DBR1: variants seen among roughly 807,000 people sequenced by gnomAD.
DBR1 encodes the protein debranching RNA lariats 1.
DBR1 carries 33 observed loss-of-function variants against 45.9 expected under a neutral mutation model. That is an observed-to-expected ratio of 0.72 (90% CI 0.55 to 0.96). The LOEUF (loss-of-function observed/expected upper bound fraction) is 0.96, where lower values mean the gene tolerates loss of function less well. Ranked by LOEUF, DBR1 falls within the 40% of genes least tolerant of loss-of-function variation. The probability of loss-of-function intolerance (pLI) is 0.00; values close to 1 mark genes in which losing one functional copy is unlikely to be tolerated. For missense variants in DBR1, 619 were observed against 667.4 expected, an observed-to-expected ratio of 0.93 and a Z score of 0.80; for synonymous variants, 235 against 235.9, an observed-to-expected ratio of 1.00 and a Z score of 0.04.
At position 138,174,623 on chromosome 3, in the gene DBR1, T is replaced by C. The variant is rs2042970444; in HGVS notation, c.173A>G (p.Tyr58Cys). 3 of 1,607,904 alleles carry C rather than the reference T, an allele frequency of 1.9e-6. No individual in the cohort carries two copies. Among genetic ancestry groups the C allele is most frequent in the Non-Finnish European group, 1.7e-6 (2 of 1,176,408 alleles). ...DLRCMAVPPK[Y>C]RHMQTFYRYY... ...CCTGTAGAAGGTTTGCATGTGACGA[T>C]ACTTGGGCGGCACGGCCATGCAGCG... is the stretch of plus-strand genomic sequence containing the variant. The change falls in exon 1 of 8, where the codon TAT becomes TGT. Residue 58 changes from tyrosine (Y) to cysteine (C), a missense_variant. Coordinates refer to ENST00000260803, the MANE Select transcript of DBR1 (RefSeq NM_016216.4).
chr3:138,165,915 A>G (rs1314967762), intron 5 of DBR1, among the ~76,000 whole-genome samples: 1 of 152,234 alleles, frequency 6.6e-6, no homozygotes, highest in Admixed American at 6.5e-5. Context: ...TGAAAAGAGT[A>G]ACCTCTCCTT....
chr3:138,173,689 G>GAAA, intron 1 of DBR1, 63 bp from the exon 2 acceptor site: 3 of 1,138,584 alleles, frequency 2.6e-6, no homozygotes, highest in South Asian at 1.8e-5. Flanking sequence ...AATAAGTTCC[G>GAAA]AAAAAAAAAA....
chr3:138,174,898 C>G lies in DBR1; in HGVS notation c.-103G>C. The G allele has an allele frequency of 7.0e-6, 8 of 1,136,126 alleles. No homozygotes were observed. The highest frequency in any genetic ancestry group is 8.7e-6 in the Non-Finnish European group (7 of 802,632). 70.4% of individuals were successfully genotyped at this position (1,136,126 alleles called of 1,614,324 possible). A position where few individuals can be genotyped will look rare whatever the true frequency, so the allele number is the denominator to read the frequency against. ...TCCCGCCAACTTTAATAAGTATAGC[C>G]ACCGCCTGGGTGTAGACTCCTGCAA... On this transcript the variant is annotated 5_prime_UTR_variant, in exon 1 of 8. Coordinates refer to ENST00000260803, the MANE Select transcript of DBR1 (RefSeq NM_016216.4).
At position 138,161,978 on chromosome 3, in the gene DBR1, C is replaced by A. The variant is rs2042909464; in HGVS notation, c.1546G>T (p.Glu516Ter). The change falls in exon 8 of 8, where the codon GAA becomes TAA. Residue 516 changes from glutamate (E) to a stop codon, truncating the protein, a stop_gained. Transcript: ENST00000260803. LOFTEE classifies it high-confidence loss of function. Reference sequence around the variant, plus strand: ...TTCTTTCTTTGTTCAGGTTCATGTTCATCACTCAGCCTCTTCAATGGCACC... The same window carrying A: ...TTCTTTCTTTGTTCAGGTTCATGTTAATCACTCAGCCTCTTCAATGGCACC... ...TKVPLKRLSD[E>*]HEPEQRKKIK... 1 of 1,614,078 alleles carries A rather than the reference C, an allele frequency of 6.2e-7. No homozygotes were observed. The highest frequency in any genetic ancestry group is 1.3e-5 in the African/African-American group (1 of 74,934).
chr3:138,172,828 G>A (rs1368710425), intron 2 of DBR1, among the ~76,000 whole-genome samples: 1 of 152,096 alleles, frequency 6.6e-6, no homozygotes, highest in Non-Finnish European at 1.5e-5. Flanking sequence ...AGACTTCAGA[G>A]TCATGACAAC....
chr3:138,168,587 T>C (rs373228872), intron 4 of DBR1, among the ~76,000 whole-genome samples: 2 of 151,056 alleles, frequency 1.3e-5, no homozygotes, highest in South Asian at 4.2e-4. Flanking sequence ...TAGATAGATA[T>C]GACTAACCAC....
chr3:138,168,298 G>A (rs777524746), intron 4 of DBR1, among the ~76,000 whole-genome samples: 6 of 151,854 alleles, frequency 4.0e-5, no homozygotes, highest in Non-Finnish European at 5.9e-5. Flanking sequence ...TGGGTGGATC[G>A]CCTGAAGGTC....
intron 4 of DBR1, among the ~76,000 whole-genome samples, chr3:138,169,026 G>A (rs1459777362): frequency 2.0e-5 from 3 of 152,052 alleles, no homozygotes. Context: ...TTAAAGGACT[G>A]GTAGGATTTA....
At chr3:138,167,025 T>C in intron 5 of DBR1, 56 bp downstream of exon 5, 1 of 1,475,666 alleles carries the variant, frequency 6.8e-7, no homozygotes, top group Non-Finnish European at 9.5e-7. Flanking sequence ...CTGTGTCTGG[T>C]CCATAGATGT....
rs1292701478 is a variant in DBR1, at chr3:138,163,458, A to G, written c.832T>C (p.Tyr278His). 5 of 1,610,022 alleles carry G rather than the reference A, an allele frequency of 3.1e-6. No individual in the cohort carries two copies. Among genetic ancestry groups the G allele is most frequent in the African/African-American group, 1.3e-5 (1 of 74,820 alleles). ...EIEHDPSAPD[Y>H]LEYDIEWLTI... is the part of the protein sequence containing the mutation. ...AGCCATTCAATATCATATTCCAAGT[A>G]ATCAGGAGCACTGGGGTCATGTTCT... Residue 278 changes from tyrosine (Y) to histidine (H), a missense_variant, in exon 7 of 8, where the codon TAC (tyrosine) becomes CAC (histidine). Around this residue, in one of 3 missense-constraint regions of DBR1, gnomAD observed 430 missense variants for 447.7 expected, o/e 0.96. Transcript: ENST00000260803.
intron 5 of DBR1, 48 bp downstream of exon 5, chr3:138,167,023 GGTCCATAGAT>G: frequency 2.1e-6 from 3 of 1,456,854 alleles, no homozygotes; most frequent in Non-Finnish European, 2.9e-6. Context: ...AACTGTGTCT[GGTCCATAGAT>G]GTTCAATAGT....
chr3:138,163,277 A>C (rs1247429264), intron 7 of DBR1, 72 bp downstream of exon 7: 14 of 1,520,140 alleles, frequency 9.2e-6, no homozygotes, highest in Non-Finnish European at 1.2e-5. Flanking sequence ...AAAACAAAAC[A>C]AAACAAAGGT....
chr3:138,168,170 T>C (rs949979249), intron 4 of DBR1, among the ~76,000 whole-genome samples: 2 of 152,146 alleles, frequency 1.3e-5, no homozygotes, highest in Admixed American at 1.3e-4. Context: ...ACTTTACTTA[T>C]CCCCAGAACC....
chr3:138,164,867 G>A (rs747153922), intron 5 of DBR1, among the ~76,000 whole-genome samples: 3 of 152,146 alleles, frequency 2.0e-5, no homozygotes, highest in Non-Finnish European at 4.4e-5. Flanking sequence ...GACTGGCCTC[G>A]AACTCCTGGC....
In DBR1 at chr3:138,162,005, T is replaced by G; in HGVS notation, c.1519A>C (p.Lys507Gln). 6.2e-7 allele frequency: 1 copy of G among 1,614,184 alleles called. No homozygotes were observed. Among genetic ancestry groups the G allele is most frequent in the South Asian group, 1.1e-5 (1 of 91,080 alleles). Residue 507 changes from lysine to glutamine, a missense_variant, in exon 8 of 8, where the codon AAG becomes CAG. Physicochemically the swap from Lys to Gln is moderately conservative, Grantham distance 53. Around this residue, in one of 3 missense-constraint regions of DBR1, gnomAD observed 182 missense variants for 196.1 expected, o/e 0.93. Coordinates refer to ENST00000260803, the MANE Select transcript of DBR1 (RefSeq NM_016216.4). ...TCACTCAGCCTCTTCAATGGCACCT[T>G]GGTTAAGTCCTCTCCATTCCCTGAC... ...VESGNGEDLT[K>Q]VPLKRLSDEH...
At position 138,161,728 on chromosome 3, in the gene DBR1, C is replaced by T. The variant is rs571009298; in HGVS notation, c.*161G>A. ...GGGTGTGGTGGCGGGCACCTGTAGTCCCACCTACTTGGGAGGCTGAGGCAG... is the reference window on the plus strand; with the variant it reads ...GGGTGTGGTGGCGGGCACCTGTAGTTCCACCTACTTGGGAGGCTGAGGCAG... On this transcript the variant is annotated 3_prime_UTR_variant, in exon 8 of 8. Transcript: ENST00000260803. 1.4e-4 allele frequency: 83 copies of T among 609,728 alleles called. No homozygotes were observed. In the Admixed American group the frequency reaches 2.1e-3, roughly 15 times the overall value. The allele number at this position is 609,728 out of a possible 1,614,324, so 37.8% of individuals were successfully genotyped here. A position where few individuals can be genotyped will look rare whatever the true frequency, so the allele number is the denominator to read the frequency against.
chr3:138,168,044 G>C (rs1270333531), intron 4 of DBR1, among the ~76,000 whole-genome samples: 1 of 151,590 alleles, frequency 6.6e-6, no homozygotes, highest in Admixed American at 6.6e-5. Context: ...TAAACCCAAA[G>C]ATTTACCAGG....
At chr3:138,164,339 G>A (rs1358146537) in intron 5 of DBR1, 1 of 152,370 alleles carries the variant, frequency 6.6e-6, no homozygotes, top group Non-Finnish European at 1.5e-5. Context: ...AAAAAGGAAT[G>A]CAATATTTAT....
At chr3:138,166,265 A>G (rs2042930063) in intron 5 of DBR1, among the ~76,000 whole-genome samples, 1 of 152,190 alleles carries the variant, frequency 6.6e-6, no homozygotes, top group Non-Finnish European at 1.5e-5. Context: ...GAAGAAATGC[A>G]TACTTCCATA....
Sources: gnomAD v4.1 joint callset for allele counts (sites outside exome capture counted in the v4.1 genomes callset) on GRCh38, gnomAD v4.1.1 for gene constraint, gnomAD v4.1.1 regional missense constraint, MANE v1.5 for transcripts, NCBI Gene and HGNC (gene_info 2026-07-23, HGNC 2026-07-21) for gene names.